MYH9: variants seen among roughly 807,000 people sequenced by gnomAD.
MYH9 encodes myosin heavy chain 9, also known as myosin-9.
A neutral mutation model predicts 241.9 loss-of-function variants in MYH9; 29 were observed. The observed-to-expected ratio is 0.12, with a 90% CI of 0.09 to 0.16. MYH9 has a LOEUF of 0.16. MYH9 is among the 10% of genes least tolerant of loss of function. The pLI, the probability that MYH9 is intolerant of heterozygous loss-of-function variation, is 1.00. For missense variants in MYH9, 1,803 were observed against 2,595.5 expected, an observed-to-expected ratio of 0.69 and a Z score of 6.63; for synonymous variants, 1,047 against 1,062.6, an observed-to-expected ratio of 0.99 and a Z score of 0.29.
At position 36,292,108 on chromosome 22, in the gene MYH9, A is replaced by G. The variant is rs1271789474; in HGVS notation, c.4222T>C (p.Tyr1408His). Reference protein sequence around the residue: ...SQRHEEKVAAYDKLEKTKTRL... With the variant: ...SQRHEEKVAAHDKLEKTKTRL... ...GTCTTGGTCTTCTCCAGCTTGTCGT[A>G]GGCGGCCACCTTCTCCTCGTGCCGC... Residue 1408 changes from tyrosine to histidine, a missense_variant, in exon 31 of 41, where the codon TAC becomes CAC. Transcript: ENST00000216181. 1.2e-6 allele frequency: 2 copies of G among 1,614,018 alleles called. No individual in the cohort carries two copies. The highest frequency in any genetic ancestry group is 1.7e-6 in the Non-Finnish European group (2 of 1,180,040).
rs759636821 is a variant in MYH9 at position 36,306,628 on chromosome 22, A to G, written c.1844-21T>C. 10 of 1,607,464 alleles carry G rather than the reference A, an allele frequency of 6.2e-6. No individual in the cohort carries two copies. In the South Asian group the frequency reaches 1.1e-4, roughly 18 times the overall value. ...GTCCACTGTGGAGACCACAGAGAAC[A>G]CGTGAGTGCCCACACAGTTGCAGCT... On this transcript the variant is annotated intron_variant, in intron 15 of 40. Transcript: ENST00000216181. This position sits in a 1 kb window ranked among gnomAD's most constrained non-coding sequence, Gnocchi z 4.1.
intron 1 of MYH9, among the ~76,000 whole-genome samples, chr22:36,379,555 G>T: frequency 6.6e-6 from 1 of 152,212 alleles, no homozygotes; most frequent in South Asian, 2.1e-4. Flanking sequence ...GGCCTAAGAA[G>T]GCAAGAGAGG....
intron 5 of MYH9, chr22:36,325,053 GC>G (rs1285725233): frequency 1.3e-6 from 1 of 769,904 alleles, no homozygotes; most frequent in South Asian, 1.4e-5. Context: ...GGATTTTACT[GC>G]AAATTCAGAG....
chr22:36,310,364 C>T (rs564407566), intron 14 of MYH9, among the ~76,000 whole-genome samples: 1 of 152,310 alleles, frequency 6.6e-6, no homozygotes, highest in South Asian at 2.1e-4. Flanking sequence ...CCTTGGCCTC[C>T]CCAAGTGTTG....
At position 36,291,975 on chromosome 22, in the gene MYH9, C is replaced by T. The variant is rs766910982; in HGVS notation, c.4344+11G>A. On this transcript the variant is annotated intron_variant, in intron 31 of 40. Coordinates refer to ENST00000216181, the MANE Select transcript of MYH9 (RefSeq NM_002473.6). ...GAGGAAATGCAAAGGATGGGGCCAA[C>T]GGCCACACACCTGGTCAAACTTCTT... 8.7e-6 allele frequency: 14 copies of T among 1,613,988 alleles called. No individual in the cohort carries two copies. The East Asian group carries it at 8.9e-5, about 10-fold the overall frequency.
At position 36,348,960 on chromosome 22, in the gene MYH9, T is replaced by G; in HGVS notation, c.277A>C (p.Asn93His). 1.2e-6 allele frequency: 2 copies of G among 1,614,094 alleles called. No homozygotes were observed. Among genetic ancestry groups the G allele is most frequent in the Non-Finnish European group, 1.7e-6 (2 of 1,180,014 alleles). ...AGGTTGTGCAGCACCGAGGCTTCGT[T>G]GAGGCACGTGAGCTCTGCCATGTCC... The part of the protein sequence containing the change: ...VEDMAELTCL[N>H]EASVLHNLKE... The change falls in exon 2 of 41, where the codon AAC becomes CAC. Residue 93 changes from asparagine (N) to histidine (H), a missense_variant. This residue lies in a region of MYH9 where 72 missense variants were observed against 134.3 expected (regional missense o/e 0.54). Transcript: ENST00000216181.
Position 36,285,766 on chromosome 22 carries a change from C to T in MYH9, c.5166G>A (p.Glu1722=). The T allele has an allele frequency of 6.2e-7, 1 of 1,610,062 alleles. No homozygotes were observed. The highest frequency in any genetic ancestry group is 8.5e-7 in the Non-Finnish European group (1 of 1,178,496). The change falls in exon 37 of 41, where the codon GAG becomes GAA. Residue 1722 remains glutamate (E), a synonymous_variant. Coordinates refer to ENST00000216181, the MANE Select transcript of MYH9 (RefSeq NM_002473.6). The surrounding 1 kb of genome is among the most constrained non-coding windows in gnomAD (Gnocchi z 7.0). The part of the protein sequence containing the change: ...NSSGKGALAL[E]EKRRLEARIA... ...TGCGGGCCTCCAGACGCCGCTTCTCCTCTAACGCCAGGGCTCTGCGGGGTG... is the reference window on the plus strand; with the variant it reads ...TGCGGGCCTCCAGACGCCGCTTCTCTTCTAACGCCAGGGCTCTGCGGGGTG...
chr22:36,295,711 T>C lies in MYH9; in HGVS notation c.3279A>G (p.Glu1093=), dbSNP rs779495655. 9.9e-6 allele frequency: 16 copies of C among 1,612,820 alleles called. No homozygotes were observed. The South Asian group carries it at 1.7e-4, about 17-fold the overall frequency. The change falls in exon 26 of 41, where the codon GAA becomes GAG. Residue 1093 remains glutamate (E), a synonymous_variant. Transcript: ENST00000216181. The surrounding 1 kb of genome is among the most constrained non-coding windows in gnomAD (Gnocchi z 4.1). ...CCATGTTCTTCTGGGCAGCTTCCTCTTCCACTCTGCCAAAGCGACCAGCAA... is the reference window on the plus strand; with the variant it reads ...CCATGTTCTTCTGGGCAGCTTCCTCCTCCACTCTGCCAAAGCGACCAGCAA... ...EELQAALARV[E]EEAAQKNMAL... is the part of the protein sequence containing the mutation.
chr22:36,286,692 C>G, intron 35 of MYH9, 26 bp downstream of exon 35: 1 of 1,609,858 alleles, frequency 6.2e-7, no homozygotes, highest in Non-Finnish European at 8.5e-7. Flanking sequence ...GGCAGCGGTG[C>G]CGCTCTCCAT....
In MYH9 at chr22:36,305,099, A is replaced by G. The variant is rs990176353; in HGVS notation, c.2163T>C (p.Tyr721=). Residue 721 remains tyrosine, a synonymous_variant, in exon 18 of 41, where the codon TAT becomes TAC. Transcript: ENST00000216181. The surrounding 1 kb of genome is among the most constrained non-coding windows in gnomAD (Gnocchi z 4.7). ...GAATGGAGTTTGGAGTCAGGATCTC[A>G]TATCTGAGGAAGGAAAGAGAAGCCT... is the stretch of plus-strand genomic sequence containing the variant. ...RVVFQEFRQR[Y]EILTPNSIPK... 6.9e-6 allele frequency: 11 copies of G among 1,603,010 alleles called. No individual in the cohort carries two copies. The highest frequency in any genetic ancestry group is 2.2e-5 in the East Asian group (1 of 44,802).
Position 36,296,795 on chromosome 22 carries a change from G to A in MYH9, c.3272+48C>T, listed in dbSNP as rs571996313. 5 of 1,556,094 alleles carry A rather than the reference G, an allele frequency of 3.2e-6. No individual in the cohort carries two copies. In the Admixed American group the frequency reaches 5.5e-5, roughly 17 times the overall value. ...AACTAGGGCCAGCAGCAAGCAGGAA[G>A]GGCTGGCCCAGGCCACCTGGCCTCA... On this transcript the variant is annotated intron_variant, in intron 25 of 40. Coordinates refer to ENST00000216181, the MANE Select transcript of MYH9 (RefSeq NM_002473.6).
chr22:36,340,439 T>A (rs1032810535), intron 3 of MYH9, among the ~76,000 whole-genome samples: 1 of 151,590 alleles, frequency 6.6e-6, no homozygotes, highest in Admixed American at 6.6e-5. Context: ...GGTGGGTGGA[T>A]CACCTGAGGT....
At chr22:36,303,126 G>A (rs1277355481) in intron 19 of MYH9, among the ~76,000 whole-genome samples, 1 of 152,116 alleles carries the variant, frequency 6.6e-6, no homozygotes, top group Admixed American at 6.6e-5. Flanking sequence ...TGGGCTGCAG[G>A]TGTCAGCTGG....
intron 1 of MYH9, among the ~76,000 whole-genome samples, chr22:36,374,743 C>T (rs542408506): frequency 2.0e-5 from 3 of 152,314 alleles, no homozygotes; most frequent in East Asian, 1.9e-4. Context: ...GGAAACAAGC[C>T]TTCACGGGCC....
At chr22:36,376,579 T>C (rs1479837179) in intron 1 of MYH9, among the ~76,000 whole-genome samples, 1 of 152,196 alleles carries the variant, frequency 6.6e-6, no homozygotes, top group Non-Finnish European at 1.5e-5. Context: ...GCGGACTGAC[T>C]TGGCAAAGGG....
intron 12 of MYH9, among the ~76,000 whole-genome samples, chr22:36,314,640 G>GTT (rs371769551): frequency 3.4e-4 from 51 of 149,904 alleles, no homozygotes; most frequent in Middle Eastern, 3.2e-3. Context: ...GTAATACATT[G>GTT]TTTTTTTTTT....
At chr22:36,373,630 C>T (rs1036790351) in intron 1 of MYH9, among the ~76,000 whole-genome samples, 1 of 152,208 alleles carries the variant, frequency 6.6e-6, no homozygotes, top group African/African-American at 2.4e-5. Flanking sequence ...TGGCATGTTC[C>T]TAGGTCTACG....
Position 36,293,699 on chromosome 22 carries a change from C to G in MYH9, c.3942+60G>C. On this transcript the variant is annotated intron_variant, in intron 29 of 40. Transcript: ENST00000216181. The surrounding 1 kb of genome is among the most constrained non-coding windows in gnomAD (Gnocchi z 5.1). ...CCGATGGGCTCTGAAGCTAATGTTG[C>G]GTGGACACAGAGGCCTTTCTGGAGG... 3 of 1,467,968 alleles carry G rather than the reference C, an allele frequency of 2.0e-6. No individual in the cohort carries two copies. The highest frequency in any genetic ancestry group is 2.8e-6 in the Non-Finnish European group (3 of 1,055,414). 90.9% of individuals were successfully genotyped at this position (1,467,968 alleles called of 1,614,324 possible).
At chr22:36,381,650 T>A (rs1603484731) in intron 1 of MYH9, among the ~76,000 whole-genome samples, 1 of 152,252 alleles carries the variant, frequency 6.6e-6, no homozygotes, top group East Asian at 1.9e-4. Flanking sequence ...AGAGTTTACA[T>A]ACCATGTTTT....
Sources: gnomAD v4.1 joint callset for allele counts (sites outside exome capture counted in the v4.1 genomes callset) on GRCh38, gnomAD v4.1.1 for gene constraint, gnomAD v4.1.1 regional missense constraint, Gnocchi (gnomAD v3.1) non-coding constraint, MANE v1.5 for transcripts, NCBI Gene and HGNC (gene_info 2026-07-23, HGNC 2026-07-21) for gene names.